MSH4: variants seen among roughly 807,000 people sequenced by gnomAD.
The protein encoded by MSH4 is mutS protein homolog 4.
A neutral mutation model predicts 113.7 loss-of-function variants in MSH4; 106 were observed. That is an observed-to-expected ratio of 0.93 (90% CI 0.80 to 1.10). The LOEUF is 1.10. Among genes scored for constraint, MSH4 ranks in the 50% least tolerant of loss-of-function variants. The pLI, the probability that MSH4 is intolerant of heterozygous loss-of-function variation, is 0.00. For missense variants in MSH4, 1,061 were observed against 1,093.7 expected (o/e 0.97, Z 0.42); for synonymous variants, 368 against 380.2 (o/e 0.97, Z 0.37).
intron 16 of MSH4, among the ~76,000 whole-genome samples, chr1:75,889,675 G>A (rs1359487732): frequency 1.3e-5 from 2 of 152,116 alleles, no homozygotes; most frequent in Non-Finnish European, 2.9e-5. Flanking sequence ...GTACCATTTT[G>A]CATAGTATTT....
chr1:75,807,496 G>A (rs1238749659), intron 3 of MSH4, among the ~76,000 whole-genome samples: 1 of 152,074 alleles, frequency 6.6e-6, no homozygotes, highest in Non-Finnish European at 1.5e-5. Flanking sequence ...CCATAATCCC[G>A]ATGTTCAAAT....
chr1:75,909,361 A>T (rs183023440), intron 19 of MSH4, among the ~76,000 whole-genome samples: 3 of 151,714 alleles, frequency 2.0e-5, no homozygotes, highest in Non-Finnish European at 4.4e-5. Context: ...TTGGCTTCTA[A>T]AATGTTGCTG....
chr1:75,862,955 G>T (rs1006343573), intron 8 of MSH4, among the ~76,000 whole-genome samples: 6 of 152,060 alleles, frequency 3.9e-5, no homozygotes, highest in African/African-American at 1.4e-4. Flanking sequence ...TTTCTGTACA[G>T]TATCTATAAC....
At chr1:75,810,177 C>T (rs1234066869) in intron 3 of MSH4, among the ~76,000 whole-genome samples, 1 of 151,434 alleles carries the variant, frequency 6.6e-6, no homozygotes, top group African/African-American at 2.4e-5. Flanking sequence ...GTTCAATATA[C>T]TACCATTAGA....
At chr1:75,884,534 G>A (rs1222147921) in intron 15 of MSH4, among the ~76,000 whole-genome samples, 1 of 151,902 alleles carries the variant, frequency 6.6e-6, no homozygotes, top group East Asian at 1.9e-4. Context: ...AAAATTTTTG[G>A]TTGTCACAGC....
At chr1:75,851,775 A>G (rs753388016) in intron 8 of MSH4, among the ~76,000 whole-genome samples, 1 of 152,148 alleles carries the variant, frequency 6.6e-6, no homozygotes, top group Non-Finnish European at 1.5e-5. Context: ...CTAGTATACC[A>G]TCATTTCCCT....
At chr1:75,805,619 A>G (rs1183965283) in intron 2 of MSH4, among the ~76,000 whole-genome samples, 2 of 151,652 alleles carry the variant, frequency 1.3e-5, no homozygotes, top group African/African-American at 2.4e-5. Context: ...ACTCCTGGCC[A>G]CAAGTGATCC....
intron 9 of MSH4, among the ~76,000 whole-genome samples, chr1:75,871,832 A>G: frequency 6.6e-6 from 1 of 152,242 alleles, no homozygotes; most frequent in East Asian, 1.9e-4. Context: ...AATTATAAGT[A>G]GAGTAGAACT....
intron 6 of MSH4, among the ~76,000 whole-genome samples, chr1:75,820,243 A>G (rs1171531608): frequency 6.6e-6 from 1 of 152,240 alleles, no homozygotes; most frequent in Admixed American, 6.5e-5. Flanking sequence ...AAAAGAAGTC[A>G]TAAAGTGCAA....
At position 75,891,976 on chromosome 1, in the gene MSH4, A is replaced by T. The variant is rs1234451064; in HGVS notation, c.2355+1152A>T. Among the ~76,000 whole-genome samples the T allele has an allele frequency of 2.0e-5, 3 of 152,204 alleles. 1 individual carries two copies. The highest frequency in any genetic ancestry group is 4.4e-5 in the Non-Finnish European group (3 of 68,032). ...AGTTTGACTGGGCCACAGAGTGCCC[A>T]GACATTTGGTCAAACATTGTTCTGG... On this transcript the variant is annotated intron_variant, in intron 17 of 19. Transcript: ENST00000263187.
At chr1:75,822,007 C>A (rs1224462511) in intron 6 of MSH4, among the ~76,000 whole-genome samples, 1 of 151,934 alleles carries the variant, frequency 6.6e-6, no homozygotes, top group East Asian at 1.9e-4. Context: ...GCTGGCCAGG[C>A]GCGGTGGCTC....
In MSH4 at chr1:75,885,862, A is replaced by G. The variant is rs1381558570; in HGVS notation, c.2107+2041A>G. On this transcript the variant is annotated intron_variant, in intron 15 of 19. Transcript: ENST00000263187. ...ATATATTATATAGTATATGTAATGT[A>G]TTATATGTATTATATAGTATATATT... Among the ~76,000 whole-genome samples the G allele has an allele frequency of 1.5e-5, 2 of 129,786 alleles. 1 individual carries two copies. Among genetic ancestry groups the G allele is most frequent in the Non-Finnish European group, 3.1e-5 (2 of 64,702 alleles). The allele number at this position is 129,786 out of a possible 152,430, so 85.1% of individuals were successfully genotyped here.
At chr1:75,892,429 C>T (rs1652276632) in intron 17 of MSH4, among the ~76,000 whole-genome samples, 1 of 152,034 alleles carries the variant, frequency 6.6e-6, no homozygotes, top group Non-Finnish European at 1.5e-5. Context: ...GCCCCACCCC[C>T]TCTCTATTGG....
intron 8 of MSH4, among the ~76,000 whole-genome samples, chr1:75,852,907 T>C (rs1412145146): frequency 6.6e-6 from 1 of 152,182 alleles, no homozygotes; most frequent in Non-Finnish European, 1.5e-5. Context: ...CCCATAAACA[T>C]GGATACTTAC....
At chr1:75,895,058 A>G (rs774265819) in intron 17 of MSH4, among the ~76,000 whole-genome samples, 9 of 152,036 alleles carry the variant, frequency 5.9e-5, no homozygotes, top group Non-Finnish European at 1.0e-4. Flanking sequence ...CTCTGCTGAC[A>G]TAGAGGTCTT....
intron 6 of MSH4, among the ~76,000 whole-genome samples, chr1:75,821,037 G>C (rs1650396987): frequency 1.3e-5 from 2 of 151,952 alleles, no homozygotes; most frequent in South Asian, 4.1e-4. Context: ...ACTGAACTCA[G>C]CTCTGCACCA....
intron 8 of MSH4, among the ~76,000 whole-genome samples, chr1:75,854,821 G>T (rs1570969114): frequency 6.6e-6 from 1 of 152,054 alleles, no homozygotes; most frequent in East Asian, 1.9e-4. Context: ...ACTTAAACAT[G>T]AATAATCAAT....
At chr1:75,896,391 A>ACACACC in intron 17 of MSH4, among the ~76,000 whole-genome samples, 1 of 102,194 alleles carries the variant, frequency 9.8e-6, no homozygotes, top group African/African-American at 3.6e-5. Context: ...ACACACACAC[A>ACACACC]CACCCTATTG....
At chr1:75,811,237 CTTTATA>C (rs1172683755) in intron 4 of MSH4, among the ~76,000 whole-genome samples, 1 of 152,096 alleles carries the variant, frequency 6.6e-6, no homozygotes, top group Non-Finnish European at 1.5e-5. Context: ...ATTTTAGTAA[CTTTATA>C]TTTAGTGTCC....
Sources: allele counts gnomAD v4.1 joint callset (sites outside exome capture counted in the v4.1 genomes callset), GRCh38; gene constraint gnomAD v4.1.1; transcripts MANE v1.5; gene names NCBI Gene and HGNC (gene_info 2026-07-23, HGNC 2026-07-21).